Variants in TACR3 observed in about 807,000 individuals in gnomAD.
TACR3 encodes the protein tachykinin receptor 3.
Under a neutral mutation model 35.0 loss-of-function variants are expected in TACR3, and 34 were observed. That is an observed-to-expected ratio of 0.97 (90% CI 0.74 to 1.30). TACR3 has a LOEUF of 1.30. TACR3 is among the 50% of genes most tolerant of loss of function. The probability of loss-of-function intolerance (pLI) is 0.00; values close to 1 mark genes in which losing one functional copy is unlikely to be tolerated. For missense variants in TACR3, 558 were observed against 591.7 expected (o/e 0.94, Z 0.59); for synonymous variants, 233 against 221.1 (o/e 1.05, Z -0.48).
At chr4:103,598,185 G>A (rs1724088659) in intron 3 of TACR3, among the ~76,000 whole-genome samples, 1 of 152,116 alleles carries the variant, frequency 6.6e-6, no homozygotes, top group Non-Finnish European at 1.5e-5. Context: ...GTTTTGATTT[G>A]CATTTCTCTG....
At chr4:103,712,391 T>C (rs1480925604) in intron 1 of TACR3, among the ~76,000 whole-genome samples, 1 of 152,180 alleles carries the variant, frequency 6.6e-6, no homozygotes, top group African/African-American at 2.4e-5. Flanking sequence ...CCCTATTTAA[T>C]AAATGGTTCT....
chr4:103,681,056 G>C (rs1489386721), intron 1 of TACR3, among the ~76,000 whole-genome samples: 1 of 151,524 alleles, frequency 6.6e-6, no homozygotes, highest in African/African-American at 2.4e-5. Flanking sequence ...ATTGAAAATA[G>C]AGCATAATAT....
At chr4:103,718,182 T>C (rs1391065102) in intron 1 of TACR3, among the ~76,000 whole-genome samples, 1 of 152,210 alleles carries the variant, frequency 6.6e-6, no homozygotes, top group Non-Finnish European at 1.5e-5. Flanking sequence ...TATTTTGATA[T>C]GTTTGTTAAT....
At chr4:103,617,683 GTTTA>G (rs1268388897) in intron 3 of TACR3, among the ~76,000 whole-genome samples, 8 of 152,224 alleles carry the variant, frequency 5.3e-5, no homozygotes, top group East Asian at 1.9e-4. Context: ...ATCGTTTAAT[GTTTA>G]TTTGAGTCAT....
chr4:103,669,693 T>C (rs901064769), intron 1 of TACR3, among the ~76,000 whole-genome samples: 1 of 152,108 alleles, frequency 6.6e-6, no homozygotes, highest in Non-Finnish European at 1.5e-5. Flanking sequence ...AATGGTATTA[T>C]TTGTTTTTCT....
intron 3 of TACR3, among the ~76,000 whole-genome samples, chr4:103,634,436 G>A (rs1249145112): frequency 6.6e-6 from 1 of 152,036 alleles, no homozygotes; most frequent in African/African-American, 2.4e-5. Flanking sequence ...ATACCCAGTA[G>A]GTGGTGCAGC....
At chr4:103,619,932 CAGCAAACAAAAACTATCAACAG>C (rs1276192622) in intron 3 of TACR3, among the ~76,000 whole-genome samples, 1 of 151,816 alleles carries the variant, frequency 6.6e-6, no homozygotes. Context: ...AGTTTCTGCA[CAGCAAACAAAAACTATCAACAG>C]AGCAAACAGA....
At chr4:103,666,201 G>A (rs1725932162) in intron 1 of TACR3, among the ~76,000 whole-genome samples, 2 of 152,312 alleles carry the variant, frequency 1.3e-5, no homozygotes, top group South Asian at 4.1e-4. Flanking sequence ...TAGGGAATTA[G>A]ACCTCGTCTT....
chr4:103,699,564 G>C (rs1180252495), intron 1 of TACR3, among the ~76,000 whole-genome samples: 1 of 152,182 alleles, frequency 6.6e-6, no homozygotes, highest in African/African-American at 2.4e-5. Flanking sequence ...GGAAACAGGA[G>C]TAAGGGTAAG....
chr4:103,654,805 T>C (rs1725698443), intron 3 of TACR3, among the ~76,000 whole-genome samples: 1 of 152,082 alleles, frequency 6.6e-6, no homozygotes, highest in South Asian at 2.1e-4. Context: ...ACTCTGATGA[T>C]ACCTAAGATA....
chr4:103,703,758 G>C (rs1300863697), intron 1 of TACR3, among the ~76,000 whole-genome samples: 1 of 152,046 alleles, frequency 6.6e-6, no homozygotes. Context: ...TGAACCCTAT[G>C]ATGAGAGAAC....
At chr4:103,636,465 A>G (rs561052438) in intron 3 of TACR3, among the ~76,000 whole-genome samples, 10 of 152,104 alleles carry the variant, frequency 6.6e-5, no homozygotes, top group Admixed American at 2.0e-4. Context: ...GATGTTATAC[A>G]TTTTGGTTGG....
chr4:103,615,474 C>T (rs532424708), intron 3 of TACR3, among the ~76,000 whole-genome samples: 4 of 151,486 alleles, frequency 2.6e-5, no homozygotes, highest in Admixed American at 1.3e-4. Flanking sequence ...ATTCATGTTT[C>T]TCATTGCAAC....
intron 1 of TACR3, among the ~76,000 whole-genome samples, chr4:103,658,968 A>T (rs1725784472): frequency 6.6e-6 from 1 of 152,156 alleles, no homozygotes; most frequent in Non-Finnish European, 1.5e-5. Flanking sequence ...GGTTGATGGG[A>T]GACAGCGACA....
At position 103,608,954 on chromosome 4, in the gene TACR3, A is replaced by C. The variant is rs1290532160; in HGVS notation, c.889-17271T>G. Reference sequence around the variant, plus strand: ...GAATAAATATTTGTAAAATCAATAAATTAATAGAGCCTGAGGCAATGTCAT... The same window carrying C: ...GAATAAATATTTGTAAAATCAATAACTTAATAGAGCCTGAGGCAATGTCAT... On this transcript the variant is annotated intron_variant, in intron 3 of 4. Transcript: ENST00000304883. Among the ~76,000 whole-genome samples the C allele has an allele frequency of 4.6e-5, 7 of 152,248 alleles. No individual in the cohort carries two copies. In the East Asian group the frequency reaches 1.2e-3, roughly 25 times the overall value.
chr4:103,624,620 TTGAAA>T (rs1236701199), intron 3 of TACR3: 1 of 151,844 alleles, frequency 6.6e-6, no homozygotes, highest in African/African-American at 2.4e-5. Context: ...GAAATCTTTG[TTGAAA>T]TGAAATACAA....
At chr4:103,697,438 A>ATTTT (rs1722545795) in intron 1 of TACR3, among the ~76,000 whole-genome samples, 2 of 137,330 alleles carry the variant, frequency 1.5e-5, no homozygotes, top group African/African-American at 6.0e-5. Flanking sequence ...TTATTTATTT[A>ATTTT]TTTTGAGACG....
chr4:103,687,782 T>C (rs1380673931), intron 1 of TACR3, among the ~76,000 whole-genome samples: 2 of 152,202 alleles, frequency 1.3e-5, no homozygotes, highest in African/African-American at 4.8e-5. Context: ...TCCATGCTCA[T>C]GTATAGGAAG....
At chr4:103,686,066 G>A (rs1285645882) in intron 1 of TACR3, among the ~76,000 whole-genome samples, 7 of 152,166 alleles carry the variant, frequency 4.6e-5, no homozygotes, top group Admixed American at 3.9e-4. Flanking sequence ...GTTGGAGAAA[G>A]CAACAAATCT....
Sources: gnomAD v4.1 joint callset for allele counts (sites outside exome capture counted in the v4.1 genomes callset) on GRCh38, gnomAD v4.1.1 for gene constraint, MANE v1.5 for transcripts, NCBI Gene and HGNC (gene_info 2026-07-23, HGNC 2026-07-21) for gene names.